The following ANKS1A variants were observed in gnomAD, a reference collection of about 807,000 sequenced individuals.
ANKS1A encodes ankyrin repeat and sterile alpha motif domain containing 1A, also known as ankyrin repeat and SAM domain-containing protein 1A.
Under a neutral mutation model 120.3 loss-of-function variants are expected in ANKS1A, and 55 were observed. The ratio of observed to expected loss-of-function variants is 0.46; its 90% CI spans 0.37 to 0.57. The LOEUF is 0.57. ANKS1A is among the 20% of genes least tolerant of loss of function. The pLI is 0.00. For synonymous variants in ANKS1A, 590 were observed against 604.7 expected (o/e 0.98, Z 0.36); for missense variants, 1,123 against 1,480.3 (o/e 0.76, Z 3.96).
downstream of ANKS1A, among the ~76,000 whole-genome samples, chr6:35,095,553 T>A (rs199811159): frequency 8.1e-4 from 59 of 73,204 alleles, no homozygotes; most frequent in East Asian, 0.018. Flanking sequence ...GGAGACTGTG[T>A]CACAAAAAAA....
chr6:34,990,583 A>G (rs1253935878), intron 9 of ANKS1A, among the ~76,000 whole-genome samples: 2 of 151,424 alleles, frequency 1.3e-5, no homozygotes, highest in African/African-American at 4.9e-5. Flanking sequence ...CCCCTCTTTA[A>G]CAAGCACTTG....
chr6:34,958,012 T>G (rs1367895255), intron 1 of ANKS1A, among the ~76,000 whole-genome samples: 1 of 152,188 alleles, frequency 6.6e-6, no homozygotes, highest in Non-Finnish European at 1.5e-5. Flanking sequence ...ATTTAGACAT[T>G]GTCATTTCAA....
At chr6:35,013,273 G>T (rs1448956501) in intron 10 of ANKS1A, among the ~76,000 whole-genome samples, 2 of 152,106 alleles carry the variant, frequency 1.3e-5, no homozygotes, top group Non-Finnish European at 2.9e-5. Flanking sequence ...TATTGAGGCA[G>T]ACTTGGTGTC....
intron 9 of ANKS1A, among the ~76,000 whole-genome samples, chr6:34,991,150 A>G (rs1003954700): frequency 1.3e-5 from 2 of 152,164 alleles, no homozygotes; most frequent in Non-Finnish European, 2.9e-5. Flanking sequence ...TTGTATTCCT[A>G]TTCCTAAGCC....
At chr6:35,027,542 A>T (rs1774690725) in intron 11 of ANKS1A, among the ~76,000 whole-genome samples, 1 of 152,240 alleles carries the variant, frequency 6.6e-6, no homozygotes, top group Admixed American at 6.5e-5. Flanking sequence ...CTGTGTGGTC[A>T]GAGTGGCAGC....
chr6:34,919,066 G>A (rs992844366), intron 1 of ANKS1A, among the ~76,000 whole-genome samples: 1 of 152,092 alleles, frequency 6.6e-6, no homozygotes. Context: ...TGGCCAGGCT[G>A]GTCTCAAACT....
intron 10 of ANKS1A, among the ~76,000 whole-genome samples, chr6:34,999,935 A>T (rs1164330902): frequency 1.3e-5 from 2 of 152,168 alleles, no homozygotes; most frequent in Non-Finnish European, 2.9e-5. Context: ...GAAGAGACAG[A>T]GGCAAAAGGA....
intron 1 of ANKS1A, among the ~76,000 whole-genome samples, chr6:34,937,675 T>C (rs1373046956): frequency 6.6e-6 from 1 of 152,156 alleles, no homozygotes; most frequent in Non-Finnish European, 1.5e-5. Flanking sequence ...GAGATAAAGA[T>C]AGTAAGATCA....
At chr6:34,949,358 C>A (rs972477384) in intron 1 of ANKS1A, among the ~76,000 whole-genome samples, 3 of 152,108 alleles carry the variant, frequency 2.0e-5, no homozygotes, top group African/African-American at 7.2e-5. Flanking sequence ...TGTGGAGGTC[C>A]TTACTGCATG....
chr6:34,906,152 T>C (rs976742705), intron 1 of ANKS1A, among the ~76,000 whole-genome samples: 2 of 152,038 alleles, frequency 1.3e-5, no homozygotes, highest in Admixed American at 6.6e-5. Context: ...CATTAAAAAA[T>C]GGGTGGCAGG....
intron 16 of ANKS1A, 39 bp from the exon 17 acceptor site, chr6:35,080,955 C>T (rs149991961): frequency 1.7e-4 from 275 of 1,597,800 alleles, no homozygotes; most frequent in African/African-American, 8.6e-4. Context: ...GGCACTGGGC[C>T]GAGGGTTGCA....
At chr6:35,072,089 C>G (rs820069) in intron 13 of ANKS1A, among the ~76,000 whole-genome samples, 2 of 152,224 alleles carry the variant, frequency 1.3e-5, no homozygotes, top group South Asian at 4.1e-4. Context: ...AATATTAACA[C>G]GTGAGATGCC....
At chr6:35,031,116 T>C (rs575544248) in intron 11 of ANKS1A, among the ~76,000 whole-genome samples, 3 of 152,246 alleles carry the variant, frequency 2.0e-5, no homozygotes, top group East Asian at 3.9e-4. Flanking sequence ...GTACCACACC[T>C]CCATCAGGAG....
At position 34,981,730 on chromosome 6, in the gene ANKS1A, A is replaced by G. The variant is rs371965061; in HGVS notation, c.476A>G (p.Tyr159Cys). 3 of 1,614,200 alleles carry G rather than the reference A, an allele frequency of 1.9e-6. No homozygotes were observed. The highest frequency in any genetic ancestry group is 1.7e-6 in the Non-Finnish European group (2 of 1,180,024). Reference sequence around the variant, plus strand: ...ACAGCCCTGCATTGTGCAGCGCAGTATGGCCACACAGAGGTGGTGAAGGTG... The same window carrying G: ...ACAGCCCTGCATTGTGCAGCGCAGTGTGGCCACACAGAGGTGGTGAAGGTG... ...NETALHCAAQYGHTEVVKVLL... is the reference protein window; with the variant it reads ...NETALHCAAQCGHTEVVKVLL... The change falls in exon 4 of 24, where the codon TAT (tyrosine) becomes TGT (cysteine). Residue 159 changes from tyrosine to cysteine, a missense_variant. Tyr to Cys is a radical substitution (Grantham distance 194, BLOSUM62 -2). Around this residue, in one of 3 missense-constraint regions of ANKS1A, gnomAD observed 146 missense variants for 267.8 expected, o/e 0.55. Coordinates refer to ENST00000360359, the MANE Select transcript of ANKS1A (RefSeq NM_015245.3).
intron 8 of ANKS1A, among the ~76,000 whole-genome samples, chr6:34,988,762 C>T (rs1376699970): frequency 1.3e-5 from 2 of 152,114 alleles, no homozygotes; most frequent in Admixed American, 1.3e-4. Context: ...ACATTTTTGT[C>T]CTTGATTACT....
chr6:34,918,854 T>A (rs1356458046), intron 1 of ANKS1A, among the ~76,000 whole-genome samples: 2 of 152,184 alleles, frequency 1.3e-5, no homozygotes, highest in Non-Finnish European at 2.9e-5. Context: ...TTATTTTTTT[T>A]ATTTAATTTT....
chr6:35,016,945 T>C (rs1406856816), intron 10 of ANKS1A, among the ~76,000 whole-genome samples: 2 of 148,568 alleles, frequency 1.3e-5, no homozygotes, highest in Non-Finnish European at 3.0e-5. Context: ...CTTTTTTTTT[T>C]TTTTTTTTTT....
At chr6:35,001,650 T>C (rs186583763) in intron 10 of ANKS1A, among the ~76,000 whole-genome samples, 3 of 152,340 alleles carry the variant, frequency 2.0e-5, no homozygotes, top group Admixed American at 6.5e-5. Context: ...CCTGAAAGGA[T>C]GCAGTGAGCT....
intron 1 of ANKS1A, among the ~76,000 whole-genome samples, chr6:34,940,148 A>C (rs1769454567): frequency 6.6e-6 from 1 of 152,234 alleles, no homozygotes; most frequent in Non-Finnish European, 1.5e-5. Flanking sequence ...TGATGAGTAC[A>C]TTGTGTCTCC....
Sources: allele counts gnomAD v4.1 joint callset (sites outside exome capture counted in the v4.1 genomes callset), GRCh38; gene constraint gnomAD v4.1.1; regional missense constraint gnomAD v4.1.1; transcripts MANE v1.5; gene names NCBI Gene and HGNC (gene_info 2026-07-23, HGNC 2026-07-21).